Variants in DDX31 observed in about 807,000 individuals in gnomAD.
The protein encoded by DDX31 is DEAD-box helicase 31, also known as ATP-dependent DNA helicase DDX31.
A neutral mutation model predicts 91.3 loss-of-function variants in DDX31; 70 were observed. The observed-to-expected ratio is 0.77, with a 90% confidence interval of 0.63 to 0.94. The LOEUF (loss-of-function observed/expected upper bound fraction) is 0.94, where lower values mean the gene tolerates loss of function less well. Among genes scored for constraint, DDX31 ranks in the 40% least tolerant of loss-of-function variants. The pLI, the probability that DDX31 is intolerant of heterozygous loss-of-function variation, is 0.00. For synonymous variants in DDX31, 362 were observed against 350.6 expected, an observed-to-expected ratio of 1.03 and a Z score of -0.36; for missense variants, 902 against 925.0, an observed-to-expected ratio of 0.98 and a Z score of 0.32.
At chr9:132,612,322 C>G in intron 18 of DDX31, 67 bp from the exon 19 acceptor site, 7 of 1,582,640 alleles carry the variant, frequency 4.4e-6, no homozygotes, top group Non-Finnish European at 6.1e-6. Flanking sequence ...AAGTGCCCGG[C>G]CTAATGGTTA....
chr9:132,599,068 C>T (rs1306421186), intron 19 of DDX31, among the ~76,000 whole-genome samples: 3 of 152,132 alleles, frequency 2.0e-5, no homozygotes, highest in Non-Finnish European at 4.4e-5. Context: ...TAGATGAAAA[C>T]ATTGAAGCGA....
At chr9:132,650,396 A>C (rs1834113406) in intron 8 of DDX31, 98 bp from the exon 9 acceptor site, 2 of 1,112,004 alleles carry the variant, frequency 1.8e-6, no homozygotes, top group South Asian at 2.6e-5. Flanking sequence ...GCATGGGAGA[A>C]AACTGGTGCT....
chr9:132,619,635 C>A (rs1367863250), intron 17 of DDX31, among the ~76,000 whole-genome samples: 1 of 152,168 alleles, frequency 6.6e-6, no homozygotes, highest in Non-Finnish European at 1.5e-5. Flanking sequence ...ATTCCTGCTA[C>A]CTGTTTGGTT....
At position 132,630,397 on chromosome 9, in the gene DDX31, C is replaced by T. The variant is rs150301518; in HGVS notation, c.1498G>A (p.Ala500Thr). 9.9e-5 allele frequency: 157 copies of T among 1,586,576 alleles called. No homozygotes were observed. The African/African-American group carries it at 1.7e-3, about 17-fold the overall frequency. Residue 500 changes from alanine (A) to threonine (T), a missense_variant, in exon 16 of 20, where the codon GCT (alanine) becomes ACT (threonine). Ala to Thr is a moderately conservative substitution (Grantham distance 58). Coordinates refer to ENST00000372159, the MANE Select transcript of DDX31 (RefSeq NM_022779.9). ...PQVTWIVQYN[A>T]PSSPAEYIHR... ...ATGTATTCTGCAGGTGAAGATGGAGCGTTGTACTAAAAAGGGTAACAAAAA... is the reference window on the plus strand; with the variant it reads ...ATGTATTCTGCAGGTGAAGATGGAGTGTTGTACTAAAAAGGGTAACAAAAA...
At chr9:132,637,767 G>A in intron 14 of DDX31, 1 of 968,342 alleles carries the variant, frequency 1.0e-6, no homozygotes, top group African/African-American at 1.8e-5. Context: ...TAGCGTAACT[G>A]AGTAAACAGC....
chr9:132,641,858 T>TG lies in DDX31; in HGVS notation c.1440+145dup, dbSNP rs1056750401. 3.2e-4 allele frequency: 208 copies of TG among 647,816 alleles called. 4 individuals are homozygous for TG. Among genetic ancestry groups the TG allele is most frequent in the East Asian group, 1.4e-3 (51 of 35,786 alleles). 40.1% of individuals were successfully genotyped at this position (647,816 alleles called of 1,614,324 possible). A position where few individuals can be genotyped will look rare whatever the true frequency, so the allele number is the denominator to read the frequency against. On this transcript the variant is annotated intron_variant, in intron 14 of 19. Coordinates refer to ENST00000372159, the MANE Select transcript of DDX31 (RefSeq NM_022779.9). Reference sequence around the variant, plus strand: ...GCCCTGTCAGGTAACAAGAAAGAGGTGCAAAGAGGCCAGCCCCACCAAGGG... The same window carrying TG: ...GCCCTGTCAGGTAACAAGAAAGAGGTGGCAAAGAGGCCAGCCCCACCAAGGG...
At chr9:132,659,303 A>C (rs1019664917) in intron 5 of DDX31, among the ~76,000 whole-genome samples, 11 of 152,234 alleles carry the variant, frequency 7.2e-5, no homozygotes, top group African/African-American at 2.7e-4. Flanking sequence ...ACTGGCCTGG[A>C]ACACGGCAGA....
At position 132,594,236 on chromosome 9, in the gene DDX31, T is replaced by C. The variant is rs952682846; in HGVS notation, c.*630A>G. ...TCAGTGGACATGAAAGAGGGAGCAA[T>C]GCATGTAAATGCAACCTCGTGTTTC... On this transcript the variant is annotated 3_prime_UTR_variant, in exon 20 of 20. Coordinates refer to ENST00000372159, the MANE Select transcript of DDX31 (RefSeq NM_022779.9). The C allele has an allele frequency of 6.6e-6, 1 of 152,214 alleles. No homozygotes were observed. The highest frequency in any genetic ancestry group is 2.4e-5 in the African/African-American group (1 of 41,446). The allele number at this position is 152,214 out of a possible 1,614,324, so 9.4% of individuals were successfully genotyped here. A position where few individuals can be genotyped will look rare whatever the true frequency, so the allele number is the denominator to read the frequency against.
At chr9:132,622,485 C>T (rs1421295266) in intron 17 of DDX31, among the ~76,000 whole-genome samples, 2 of 152,198 alleles carry the variant, frequency 1.3e-5, no homozygotes, top group Non-Finnish European at 2.9e-5. Flanking sequence ...TCTCTGGGGA[C>T]GTGTCCTTCA....
Position 132,651,113 on chromosome 9 carries a change from C to T in DDX31, c.637G>A (p.Ala213Thr). Reference protein sequence around the residue: ...ALVLVPTRELALQSFDTVQKL... With the variant: ...ALVLVPTRELTLQSFDTVQKL... ...TGGACAGTGTCAAAGCTTTGTAGAG[C>T]TAGCTGTAAAAATTTTAAAAGTTAT... is the stretch of plus-strand genomic sequence containing the variant. Residue 213 changes from alanine to threonine, a missense_variant, in exon 8 of 20, where the codon GCT becomes ACT. By Grantham distance (58) the Ala-to-Thr change is moderately conservative. Coordinates refer to ENST00000372159, the MANE Select transcript of DDX31 (RefSeq NM_022779.9). The T allele has an allele frequency of 6.2e-7, 1 of 1,607,916 alleles. No individual in the cohort carries two copies. The highest frequency in any genetic ancestry group is 8.5e-7 in the Non-Finnish European group (1 of 1,178,152).
At chr9:132,648,355 G>A in intron 10 of DDX31, 60 bp from the exon 11 acceptor site, 1 of 1,605,608 alleles carries the variant, frequency 6.2e-7, no homozygotes, top group East Asian at 2.2e-5. Flanking sequence ...GTGGTCTAAG[G>A]GGCTACAGAA....
At position 132,668,264 on chromosome 9, in the gene DDX31, CTTAAG is replaced by C. The variant is rs1158437448; in HGVS notation, c.75+1591_75+1595del. ...CCTAGAAACCAGTTTTCAGTTACTGCTTAAGTTAATTCTAGGGCATCTTACCCCTC... is the reference window on the plus strand; with the variant it reads ...CCTAGAAACCAGTTTTCAGTTACTGCTTAATTCTAGGGCATCTTACCCCTC... On this transcript the variant is annotated intron_variant, in intron 1 of 19. Transcript: ENST00000372159. Among the ~76,000 whole-genome samples the C allele has an allele frequency of 2.0e-5, 3 of 152,252 alleles. No homozygotes were observed. The East Asian group carries it at 5.8e-4, about 29-fold the overall frequency.
At chr9:132,643,914 T>A (rs1301273604) in intron 13 of DDX31, among the ~76,000 whole-genome samples, 1 of 151,636 alleles carries the variant, frequency 6.6e-6, no homozygotes, top group Non-Finnish European at 1.5e-5. Flanking sequence ...TATTCAGATT[T>A]GGGGTAAGAA....
intron 15 of DDX31, 135 bp from the exon 16 acceptor site, chr9:132,630,538 AAGG>A (rs932982044): frequency 3.9e-5 from 34 of 878,390 alleles, no homozygotes; most frequent in African/African-American, 3.4e-4. Context: ...ACACAATCAC[AAGG>A]AGAAGTCACC....
chr9:132,658,501 T>C (rs1834721989), intron 6 of DDX31, 170 bp downstream of exon 6: 1 of 681,326 alleles, frequency 1.5e-6, no homozygotes, highest in Non-Finnish European at 2.6e-6. Flanking sequence ...TATTCTACTC[T>C]AGGCACAGTC....
intron 14 of DDX31, chr9:132,638,508 T>A (rs1182667956): frequency 8.6e-7 from 1 of 1,160,268 alleles, no homozygotes; most frequent in Non-Finnish European, 1.2e-6. Flanking sequence ...TTAACTTGGC[T>A]TTTTCTTAGA....
intron 14 of DDX31, among the ~76,000 whole-genome samples, chr9:132,634,738 G>T (rs971072919): frequency 6.6e-6 from 1 of 151,808 alleles, no homozygotes; most frequent in Non-Finnish European, 1.5e-5. Flanking sequence ...ACGACCAGAG[G>T]TAAGTTCCGC....
intron 1 of DDX31, chr9:132,669,587 C>T (rs897682790): frequency 2.7e-5 from 40 of 1,495,914 alleles, no homozygotes; most frequent in Non-Finnish European, 3.6e-5. Context: ...GGGAAACAGC[C>T]TCTAATTCCT....
At chr9:132,616,536 A>C (rs752445788) in intron 18 of DDX31, among the ~76,000 whole-genome samples, 11 of 152,172 alleles carry the variant, frequency 7.2e-5, no homozygotes, top group South Asian at 2.1e-4. Context: ...GGTTTGATTT[A>C]TTTCTTTCCA....
Sources: allele counts gnomAD v4.1 joint callset (sites outside exome capture counted in the v4.1 genomes callset), GRCh38; gene constraint gnomAD v4.1.1; transcripts MANE v1.5; gene names NCBI Gene and HGNC (gene_info 2026-07-23, HGNC 2026-07-21).